Variants in MAP7D1 observed in about 807,000 individuals in gnomAD.
MAP7D1 encodes the protein MAP7 domain-containing protein 1.
MAP7D1 carries 30 observed loss-of-function variants against 97.5 expected under a neutral mutation model. That is an observed-to-expected ratio of 0.31 (90% confidence interval 0.23 to 0.42). The LOEUF (loss-of-function observed/expected upper bound fraction) is 0.42. MAP7D1 is among the 10% of genes least tolerant of loss of function. MAP7D1 has a pLI of 1.00. For synonymous variants in MAP7D1, 536 were observed against 477.1 expected (o/e 1.12, Z -1.61); for missense variants, 1,184 against 1,179.5 (o/e 1.00, Z -0.06).
rs1490928631 is a variant in MAP7D1 at position 36,176,818 on chromosome 1, C to G, written c.1355C>G (p.Ser452Cys). The change falls in exon 8 of 17, where the codon TCT becomes TGT. Residue 452 changes from serine (S) to cysteine (C), a missense_variant. Ser to Cys is a moderately radical substitution (Grantham distance 112, BLOSUM62 -1). Transcript: ENST00000474796. The surrounding 1 kb of genome is among the most constrained non-coding windows in gnomAD (Gnocchi z 6.1). Reference protein sequence around the residue: ...SLPASPRARLSASTASELSPK... With the variant: ...SLPASPRARLCASTASELSPK... ...CCCGCCTCCCCACGTGCCCGCCTCT[C>G]TGCCAGCACCGCCTCTGAGCTCAGG... 3.1e-6 allele frequency: 5 copies of G among 1,598,918 alleles called. No individual in the cohort carries two copies. The highest frequency in any genetic ancestry group is 1.8e-4 in the Middle Eastern group (1 of 5,508).
chr1:36,168,294 A>AG (rs1220140193), intron 1 of MAP7D1, among the ~76,000 whole-genome samples: 34 of 76,210 alleles, frequency 4.5e-4, no homozygotes, highest in African/African-American at 1.9e-3. Context: ...ACTCCATCTC[A>AG]GGAAAAAAAA....
chr1:36,179,766 T>G lies in MAP7D1; in HGVS notation c.2318+10T>G, dbSNP rs952839146. On this transcript the variant is annotated intron_variant, in intron 15 of 16. Coordinates refer to ENST00000474796, the MANE Select transcript of MAP7D1 (RefSeq NM_001388490.1). Reference sequence around the variant, plus strand: ...AGGAGCCTCAGTGGAGGTACCAGCTTCCAATCCCAGGGTCCCTGAGCAGGG... The same window carrying G: ...AGGAGCCTCAGTGGAGGTACCAGCTGCCAATCCCAGGGTCCCTGAGCAGGG... The G allele has an allele frequency of 2.0e-6, 3 of 1,534,106 alleles. No homozygotes were observed. The highest frequency in any genetic ancestry group is 2.6e-6 in the Non-Finnish European group (3 of 1,143,286).
chr1:36,179,104 G>C, intron 12 of MAP7D1, 79 bp downstream of exon 12: 1 of 1,513,064 alleles, frequency 6.6e-7, no homozygotes, highest in South Asian at 1.2e-5. Flanking sequence ...GCTTAGAGCG[G>C]ACAGGACGGG....
chr1:36,156,537 C>A (rs1644332052), intron 1 of MAP7D1, 74 bp downstream of exon 1: 3 of 1,256,772 alleles, frequency 2.4e-6, no homozygotes, highest in Non-Finnish European at 3.1e-6. Context: ...ATGAGGCCGG[C>A]CGGCTGGGCG....
Position 36,178,937 on chromosome 1 carries a change from C to G in MAP7D1, c.2042C>G (p.Ala681Gly). The G allele has an allele frequency of 6.4e-6, 10 of 1,556,420 alleles. No homozygotes were observed. The highest frequency in any genetic ancestry group is 1.7e-4 in the Middle Eastern group (1 of 5,980). Residue 681 changes from alanine (A) to glycine (G), a missense_variant, in exon 12 of 17, where the codon GCT (alanine) becomes GGT (glycine). By Grantham distance (60) the Ala-to-Gly change is moderately conservative. Transcript: ENST00000474796. ...RLQKQKEEAE[A>G]RSREEAERQR... ...CTTTGGCAGAAAGAGGAGGCCGAAG[C>G]TCGGTCGCGGGAAGAGGCGGAGCGG...
chr1:36,168,618 T>G (rs1383206907), intron 1 of MAP7D1, among the ~76,000 whole-genome samples: 2 of 151,222 alleles, frequency 1.3e-5, no homozygotes, highest in African/African-American at 4.9e-5. Context: ...GTTGGTGGAG[T>G]TGGTGGAGTT....
rs1557779569 is a variant in MAP7D1, at chr1:36,175,011, A to AAG, written c.850+7_850+8dup. On this transcript the variant is annotated splice_donor_region_variant and intron_variant, in intron 6 of 16. Coordinates refer to ENST00000474796, the MANE Select transcript of MAP7D1 (RefSeq NM_001388490.1). ...GCTCTGGAACTCCCCCAGTAGAAGT[A>AAG]AGAGAAGGCCCAGCCCTTCCCCCTC... 1.2e-6 allele frequency: 2 copies of AAG among 1,602,696 alleles called. No individual in the cohort carries two copies. The highest frequency in any genetic ancestry group is 1.7e-6 in the Non-Finnish European group (2 of 1,169,962).
intron 1 of MAP7D1, among the ~76,000 whole-genome samples, chr1:36,158,242 C>T (rs540619212): frequency 2.0e-4 from 30 of 152,176 alleles, no homozygotes; most frequent in African/African-American, 6.8e-4. Flanking sequence ...ACACAGGGAT[C>T]TAGATGGAGT....
chr1:36,157,411 G>GCTCCC (rs1398739438), intron 1 of MAP7D1: 3 of 152,092 alleles, frequency 2.0e-5, no homozygotes, highest in African/African-American at 7.3e-5. Flanking sequence ...GACCACCAAA[G>GCTCCC]CTCCCCTCCC....
chr1:36,178,287 A>AGGACTG, intron 9 of MAP7D1, 86 bp downstream of exon 9: 1 of 1,474,586 alleles, frequency 6.8e-7, no homozygotes, highest in South Asian at 1.4e-5. Flanking sequence ...GAGATGCCTG[A>AGGACTG]GGACTGGGAG....
At position 36,178,142 on chromosome 1, in the gene MAP7D1, C is replaced by A; in HGVS notation, c.1649C>A (p.Ala550Glu). 6.3e-7 allele frequency: 1 copy of A among 1,580,586 alleles called. No individual in the cohort carries two copies. Among genetic ancestry groups the A allele is most frequent in the South Asian group, 1.1e-5 (1 of 87,274 alleles). The change falls in exon 9 of 17, where the codon GCG (alanine) becomes GAG (glutamate). Residue 550 changes from alanine to glutamate, a missense_variant. Ala to Glu is a moderately radical substitution (Grantham distance 107). Coordinates refer to ENST00000474796, the MANE Select transcript of MAP7D1 (RefSeq NM_001388490.1). ...AAPASPAPSP[A>E]PSPTPAPPQK... ...CCAGCCTCACCGGCACCTTCGCCGG[C>A]GCCCTCGCCCACCCCAGCCCCGCCC...
Position 36,173,396 on chromosome 1 carries a change from G to A in MAP7D1, c.657G>A (p.Val219=). The stretch of plus-strand genomic sequence containing the variant: ...ATGAAGCAGCCATCCAACGGTCAGT[G>A]AAGAAGACGTGGGCCGAAATCCGGC... The part of the protein sequence containing the change: ...ERYEAAIQRS[V]KKTWAEIRQQ... The change falls in exon 5 of 17, where the codon GTG becomes GTA. Residue 219 remains valine (V), a synonymous_variant. Coordinates refer to ENST00000474796, the MANE Select transcript of MAP7D1 (RefSeq NM_001388490.1). 1 of 1,614,012 alleles carries A rather than the reference G, an allele frequency of 6.2e-7. No individual in the cohort carries two copies.
intron 8 of MAP7D1, chr1:36,177,470 T>C: frequency 1.3e-5 from 6 of 455,660 alleles, no homozygotes; most frequent in Non-Finnish European, 2.6e-5. Context: ...TAGTGAGCTA[T>C]GTATGATGAT....
chr1:36,176,303 C>G lies in MAP7D1; in HGVS notation c.955C>G (p.Arg319Gly). The G allele has an allele frequency of 6.4e-7, 1 of 1,570,796 alleles. No individual in the cohort carries two copies. The highest frequency in any genetic ancestry group is 8.6e-7 in the Non-Finnish European group (1 of 1,160,874). Residue 319 changes from arginine to glycine, a missense_variant, in exon 7 of 17, where the codon CGC becomes GGC. Physicochemically the swap from Arg to Gly is moderately radical, Grantham distance 125. Coordinates refer to ENST00000474796, the MANE Select transcript of MAP7D1 (RefSeq NM_001388490.1). The surrounding 1 kb of genome is among the most constrained non-coding windows in gnomAD (Gnocchi z 6.1). ...GAGTCGCAGCGCGGTCACACTGCCC[C>G]GCAACGGCCGGGACCAGGGTAGGGG... Reference protein sequence around the residue: ...ARSRSAVTLPRNGRDQGRGCD... With the variant: ...ARSRSAVTLPGNGRDQGRGCD...
At chr1:36,168,144 A>C (rs1644495695) in intron 1 of MAP7D1, among the ~76,000 whole-genome samples, 3 of 151,884 alleles carry the variant, frequency 2.0e-5, no homozygotes, top group Admixed American at 1.3e-4. Context: ...AAAATACAAA[A>C]ATTAGCTGGG....
At position 36,176,383 on chromosome 1, in the gene MAP7D1, C is replaced by G. The variant is rs1303312663; in HGVS notation, c.1035C>G (p.Arg345=). The change falls in exon 7 of 17, where the codon CGC becomes CGG. Residue 345 remains arginine (R), a synonymous_variant. Coordinates refer to ENST00000474796, the MANE Select transcript of MAP7D1 (RefSeq NM_001388490.1). The surrounding 1 kb of genome is among the most constrained non-coding windows in gnomAD (Gnocchi z 6.1). ...TWGRAGASLA[R]GPQPDRTHPS... ...GCCGGGCAGGGGCCAGCCTGGCGCG[C>G]GGGCCGCAACCCGACCGCACTCATC... 1.3e-6 allele frequency: 2 copies of G among 1,523,022 alleles called. No homozygotes were observed. The highest frequency in any genetic ancestry group is 1.2e-5 in the South Asian group (1 of 83,036). The allele number at this position is 1,523,022 out of a possible 1,614,324, so 94.3% of individuals were successfully genotyped here.
In MAP7D1 at chr1:36,176,828, C is replaced by A. The variant is rs758419164; in HGVS notation, c.1365C>A (p.Thr455=). Reference sequence around the variant, plus strand: ...CACGTGCCCGCCTCTCTGCCAGCACCGCCTCTGAGCTCAGGTGGGCGCGGG... The same window carrying A: ...CACGTGCCCGCCTCTCTGCCAGCACAGCCTCTGAGCTCAGGTGGGCGCGGG... ...ASPRARLSAS[T]ASELSPKSKA... is the part of the protein sequence containing the mutation. Residue 455 remains threonine (T), a synonymous_variant, in exon 8 of 17, where the codon ACC becomes ACA. Transcript: ENST00000474796. The surrounding 1 kb of genome is among the most constrained non-coding windows in gnomAD (Gnocchi z 6.1). 1.3e-5 allele frequency: 20 copies of A among 1,599,258 alleles called. No individual in the cohort carries two copies. The highest frequency in any genetic ancestry group is 2.7e-5 in the African/African-American group (2 of 74,722).
chr1:36,177,819 T>C, intron 8 of MAP7D1, 54 bp from the exon 9 acceptor site: 1 of 1,519,596 alleles, frequency 6.6e-7, no homozygotes, highest in Middle Eastern at 1.8e-4. Flanking sequence ...GAACAAGTTC[T>C]CAGCGTGTGG....
At chr1:36,171,358 A>G (rs1644540801) in intron 2 of MAP7D1, 43 bp downstream of exon 2, 1 of 1,541,888 alleles carries the variant, frequency 6.5e-7, no homozygotes, top group Non-Finnish European at 8.8e-7. Context: ...CTCTTGGCTC[A>G]GGGTCCTGGC....
Sources: allele counts gnomAD v4.1 joint callset (sites outside exome capture counted in the v4.1 genomes callset), GRCh38; gene constraint gnomAD v4.1.1; non-coding constraint Gnocchi (gnomAD v3.1); transcripts MANE v1.5; gene names NCBI Gene and HGNC (gene_info 2026-07-23, HGNC 2026-07-21).